BEAN1: variants seen among roughly 807,000 people sequenced by gnomAD.
The protein encoded by BEAN1 is brain expressed associated with NEDD4 1.
Under a neutral mutation model 17.7 loss-of-function variants are expected in BEAN1, and 17 were observed. That is an observed-to-expected ratio of 0.96 (90% confidence interval 0.66 to 1.44). The LOEUF is 1.44. Ranked by LOEUF, BEAN1 falls within the 40% of genes most tolerant of loss-of-function variation. BEAN1 has a pLI of 0.00. For synonymous variants in BEAN1, 142 were observed against 151.8 expected (o/e 0.94, Z 0.47); for missense variants, 359 against 374.1 (o/e 0.96, Z 0.33).
intron 2 of BEAN1, among the ~76,000 whole-genome samples, chr16:66,446,365 G>A (rs1314653145): frequency 6.6e-6 from 1 of 152,126 alleles, no homozygotes; most frequent in African/African-American, 2.4e-5. Context: ...ACAGCGTTTG[G>A]GGCTTGAAAC....
intron 2 of BEAN1, among the ~76,000 whole-genome samples, chr16:66,454,678 C>T (rs1388215236): frequency 6.7e-6 from 1 of 150,088 alleles, no homozygotes; most frequent in Admixed American, 6.6e-5. Context: ...ACAATCTCTG[C>T]CCTTTAAGTG....
intron 2 of BEAN1, among the ~76,000 whole-genome samples, chr16:66,455,281 C>A (rs76667495): frequency 7.5e-4 from 114 of 152,250 alleles, no homozygotes; most frequent in Non-Finnish European, 1.5e-3. Flanking sequence ...AAGTAACACC[C>A]CCAAATCAGG....
At chr16:66,439,893 G>A (rs1423374438) in intron 2 of BEAN1, among the ~76,000 whole-genome samples, 4 of 152,056 alleles carry the variant, frequency 2.6e-5, no homozygotes, top group African/African-American at 9.7e-5. Flanking sequence ...CAGGACTGCT[G>A]CGAGGCTCCA....
chr16:66,485,186 C>T (rs1964071368), downstream of BEAN1: 1 of 435,780 alleles, frequency 2.3e-6, no homozygotes, highest in Admixed American at 2.4e-5. Context: ...TGCACATACA[C>T]ACACTGGGGC....
At chr16:66,461,070 G>T (rs990525033) in intron 2 of BEAN1, among the ~76,000 whole-genome samples, 6 of 151,966 alleles carry the variant, frequency 3.9e-5, no homozygotes, top group African/African-American at 1.4e-4. Flanking sequence ...CTATTTTTTT[G>T]AGGTTTCCAC....
chr16:66,492,899 G>A (rs1161777227), intron 4 of BEAN1: 1 of 651,250 alleles, frequency 1.5e-6, no homozygotes. Flanking sequence ...GCCTGGCCTG[G>A]CCCCTCTCAG....
chr16:66,459,376 G>A (rs1295751997), intron 2 of BEAN1, among the ~76,000 whole-genome samples: 3 of 152,078 alleles, frequency 2.0e-5, no homozygotes, highest in African/African-American at 7.2e-5. Context: ...CTGGAGTGCA[G>A]TGGCACAATC....
downstream of BEAN1, chr16:66,483,675 T>TTTCAA (rs1865326950): frequency 1.3e-5 from 2 of 152,232 alleles, no homozygotes; most frequent in South Asian, 2.1e-4. Context: ...TAGTCCTAGA[T>TTTCAA]GCCCCCAAGT....
chr16:66,472,137 A>G (rs1963508089), intron 3 of BEAN1, among the ~76,000 whole-genome samples: 1 of 152,210 alleles, frequency 6.6e-6, no homozygotes, highest in Admixed American at 6.5e-5. Flanking sequence ...GGCCCCGCTC[A>G]AAGGCTGCCT....
Position 66,427,653 on chromosome 16 carries a change from G to T in BEAN1, c.-83+222G>T, listed in dbSNP as rs912680239. The T allele has an allele frequency of 3.3e-5, 5 of 152,252 alleles. No individual in the cohort carries two copies. The highest frequency in any genetic ancestry group is 1.2e-4 in the African/African-American group (5 of 41,564). 9.4% of individuals were successfully genotyped at this position (152,252 alleles called of 1,614,324 possible). ...TCCCGCGGACCCTCGACCCCGGGCT[G>T]GCCACTGGGATCTGCGCGAGCCGAG... On this transcript the variant is annotated intron_variant, in intron 1 of 4. Coordinates refer to ENST00000536005, the MANE Select transcript of BEAN1 (RefSeq NM_001178020.3). This position sits in a 1 kb window ranked among gnomAD's most constrained non-coding sequence, Gnocchi z 4.7.
intron 3 of BEAN1, chr16:66,476,387 A>G (rs1056467144): frequency 6.6e-6 from 1 of 152,214 alleles, no homozygotes; most frequent in African/African-American, 2.4e-5. Flanking sequence ...TTACAACTCC[A>G]TGCTTCACCA....
intron 4 of BEAN1, among the ~76,000 whole-genome samples, chr16:66,489,801 G>A (rs900693036): frequency 1.5e-4 from 23 of 152,152 alleles, no homozygotes; most frequent in African/African-American, 5.3e-4. Flanking sequence ...ACAGAAAGGG[G>A]TTGTGCTGCT....
downstream of BEAN1, among the ~76,000 whole-genome samples, chr16:66,494,501 T>C (rs1303761205): frequency 6.6e-6 from 1 of 152,118 alleles, no homozygotes; most frequent in East Asian, 1.9e-4. Context: ...CCCTTTAGGT[T>C]TTCTGTCCTC....
intron 1 of BEAN1, chr16:66,428,427 A>C (rs796675594): frequency 6.6e-6 from 1 of 151,976 alleles, no homozygotes; most frequent in East Asian, 1.9e-4. Context: ...CTCTGGACTC[A>C]CTCCTCAAAC....
At chr16:66,453,019 T>C (rs1225017479) in intron 2 of BEAN1, among the ~76,000 whole-genome samples, 1 of 152,188 alleles carries the variant, frequency 6.6e-6, no homozygotes, top group Non-Finnish European at 1.5e-5. Flanking sequence ...ACCTACCTCA[T>C]AAAGCTGCTA....
chr16:66,477,569 A>G lies in BEAN1; in HGVS notation c.299A>G (p.Glu100Gly). Residue 100 changes from glutamate to glycine, a missense_variant, in exon 4 of 5, where the codon GAG (glutamate) becomes GGG (glycine). Transcript: ENST00000536005. ...GGTCTGTTCCCTGCAGTGTCGGACG[A>G]GCACACATACAGCCGCTCAAGCCGC... Reference protein sequence around the residue: ...REYEHGYVSDEHTYSRSSRRM... With the variant: ...REYEHGYVSDGHTYSRSSRRM... 6.5e-7 allele frequency: 1 copy of G among 1,545,328 alleles called. No individual in the cohort carries two copies. The highest frequency in any genetic ancestry group is 8.7e-7 in the Non-Finnish European group (1 of 1,145,176).
intron 2 of BEAN1, among the ~76,000 whole-genome samples, chr16:66,446,098 G>C (rs188152645): frequency 6.4e-4 from 97 of 152,122 alleles, no homozygotes; most frequent in African/African-American, 2.2e-3. Context: ...CATGAGAATC[G>C]CTTGAACCTG....
intron 2 of BEAN1, among the ~76,000 whole-genome samples, chr16:66,457,400 C>T (rs1290640790): frequency 1.3e-5 from 2 of 152,168 alleles, no homozygotes. Flanking sequence ...CCTTCCATGT[C>T]TCCTGTCCAC....
At chr16:66,430,830 A>G (rs1756181092) in intron 1 of BEAN1, among the ~76,000 whole-genome samples, 1 of 152,238 alleles carries the variant, frequency 6.6e-6, no homozygotes, top group African/African-American at 2.4e-5. Flanking sequence ...TTTGTTCACT[A>G]TATCCTCAGA....
Sources: gnomAD v4.1 joint callset for allele counts (sites outside exome capture counted in the v4.1 genomes callset) on GRCh38, gnomAD v4.1.1 for gene constraint, Gnocchi (gnomAD v3.1) non-coding constraint, MANE v1.5 for transcripts, NCBI Gene and HGNC (gene_info 2026-07-23, HGNC 2026-07-21) for gene names.